IGSF22: variants seen among roughly 807,000 people sequenced by gnomAD.
IGSF22 encodes the protein immunoglobulin superfamily member 22, also known as immunoglobulin superfamily, member 22.
A neutral mutation model predicts 127.0 loss-of-function variants in IGSF22; 119 were observed. The ratio of observed to expected loss-of-function variants is 0.94; its 90% CI spans 0.81 to 1.09. The LOEUF (loss-of-function observed/expected upper bound fraction) is 1.09, where lower values mean the gene tolerates loss of function less well. Among genes scored for constraint, IGSF22 ranks in the 50% least tolerant of loss-of-function variants. The pLI, the probability that IGSF22 is intolerant of heterozygous loss-of-function variation, is 0.00. For synonymous variants in IGSF22, 568 were observed against 664.7 expected, an observed-to-expected ratio of 0.85 and a Z score of 2.24; for missense variants, 1,518 against 1,716.6, an observed-to-expected ratio of 0.88 and a Z score of 2.04.
intron 4 of IGSF22, among the ~76,000 whole-genome samples, chr11:18,721,191 A>G (rs966241366): frequency 6.6e-6 from 1 of 152,108 alleles, no homozygotes; most frequent in African/African-American, 2.4e-5. Flanking sequence ...CCCGCCCTCC[A>G]TGGCTACGCC....
At chr11:18,713,762 C>T in intron 14 of IGSF22, 90 bp downstream of exon 14, 2 of 1,085,708 alleles carry the variant, frequency 1.8e-6, no homozygotes. Flanking sequence ...TCAACTCTAA[C>T]TCTGGCCTCC....
chr11:18,722,630 A>AC (rs35911597), intron 2 of IGSF22, among the ~76,000 whole-genome samples: 93 of 148,240 alleles, frequency 6.3e-4, no homozygotes, highest in African/African-American at 2.0e-3. Context: ...AACAAAAAAA[A>AC]CTGTTTTTGC....
chr11:18,706,087 G>C lies in IGSF22; in HGVS notation c.3640C>G (p.Arg1214Gly). ...YEKKDWRHAP[R>G]FVTPLKPHTV... ...TGTGGCTTGAGGGGCGTCACGAAGC[G>C]CGGCGCGTGGCGCCAGTCCTTCTTC... Residue 1214 changes from arginine to glycine, a missense_variant, in exon 22 of 23, where the codon CGC becomes GGC. Arg to Gly is a moderately radical substitution (Grantham distance 125). Coordinates refer to ENST00000513874, the MANE Select transcript of IGSF22 (RefSeq NM_173588.4). 1 of 1,548,698 alleles carries C rather than the reference G, an allele frequency of 6.5e-7. No homozygotes were observed.
At chr11:18,720,000 CTTTGAGAGGCT>C in intron 6 of IGSF22, 53 bp downstream of exon 6, 1 of 1,611,398 alleles carries the variant, frequency 6.2e-7, no homozygotes, top group Admixed American at 1.7e-5. Context: ...GTTGAGAGGC[CTTTGAGAGGCT>C]TTGGCCTGGA....
chr11:18,708,068 G>A (rs1315908108), intron 19 of IGSF22, 72 bp from the exon 20 acceptor site: 14 of 1,581,266 alleles, frequency 8.9e-6, no homozygotes, highest in Admixed American at 3.4e-5. Context: ...CTCCATTGTC[G>A]AGGAGTTTCC....
chr11:18,708,384 C>T, intron 18 of IGSF22, 89 bp from the exon 19 acceptor site: 1 of 1,006,944 alleles, frequency 9.9e-7, no homozygotes, highest in Non-Finnish European at 1.4e-6. Context: ...TTCCCAACCT[C>T]TCCTCCTTTA....
rs187612448 is a variant in IGSF22 at position 18,708,557 on chromosome 11, G to T, written c.2999-262C>A. ...AACACCTCCTTTTGAAATTGCCATT[G>T]CAACAATTATAACAGCGAGAAAATT... On this transcript the variant is annotated intron_variant, in intron 18 of 22. Transcript: ENST00000513874. 7.9e-5 allele frequency among the ~76,000 whole-genome samples: 12 copies of T among 152,252 alleles called. No homozygotes were observed. The East Asian group carries it at 2.1e-3, about 27-fold the overall frequency.
rs752938299 is a variant in IGSF22, at chr11:18,716,299, T to C, written c.1246+429A>G. On this transcript the variant is annotated intron_variant, in intron 10 of 22. Transcript: ENST00000513874. This position sits in a 1 kb window ranked among gnomAD's most constrained non-coding sequence, Gnocchi z 4.5. ...CTCCATCACAGCAATGATGATTCCA[T>C]GTGATATAGATTCCAGGTGCGGTTC... 6.6e-6 allele frequency among the ~76,000 whole-genome samples: 1 copy of C among 152,210 alleles called. No homozygotes were observed. Among genetic ancestry groups the C allele is most frequent in the Non-Finnish European group, 1.5e-5 (1 of 68,042 alleles).
At position 18,719,825 on chromosome 11, in the gene IGSF22, G is replaced by A. The variant is rs1848535977; in HGVS notation, c.587C>T (p.Ser196Phe). Residue 196 changes from serine to phenylalanine, a missense_variant, in exon 7 of 23, where the codon TCC becomes TTC. Coordinates refer to ENST00000513874, the MANE Select transcript of IGSF22 (RefSeq NM_173588.4). ...CTCAAAGTCTTTCTTGGGCACTTTG[G>A]ACAAAATCTCCAGCATCTCTTTCTC... ...ANEKEMLEIL[S>F]KVPKKDFEKV... is the part of the protein sequence containing the mutation. 1 of 1,614,008 alleles carries A rather than the reference G, an allele frequency of 6.2e-7. No homozygotes were observed. Among genetic ancestry groups the A allele is most frequent in the Non-Finnish European group, 8.5e-7 (1 of 1,180,032 alleles).
At chr11:18,708,101 T>G in intron 19 of IGSF22, 105 bp from the exon 20 acceptor site, 2 of 1,528,840 alleles carry the variant, frequency 1.3e-6, no homozygotes, top group Non-Finnish European at 9.0e-7. Flanking sequence ...GCACTAGGGG[T>G]CTGGTGAGGG....
At chr11:18,720,402 G>A (rs113370986) in intron 4 of IGSF22, 117 bp from the exon 5 acceptor site, 2 of 690,212 alleles carry the variant, frequency 2.9e-6, no homozygotes, top group African/African-American at 1.8e-5. Flanking sequence ...TGACTGTTGG[G>A]TATATGTGTG....
intron 2 of IGSF22, among the ~76,000 whole-genome samples, chr11:18,722,477 G>A (rs1419815941): frequency 6.6e-6 from 1 of 152,158 alleles, no homozygotes; most frequent in Non-Finnish European, 1.5e-5. Context: ...CATTCTGTGG[G>A]TTCAGCATTC....
At position 18,712,199 on chromosome 11, in the gene IGSF22, A is replaced by G; in HGVS notation, c.2281T>C (p.Phe761Leu). ...CCCTCTTCCACCTTGTTGGTGGAGA[A>G]GTTGGTGACTTTGCCGTCCACCTCG... is the stretch of plus-strand genomic sequence containing the variant. The part of the protein sequence containing the change: ...IGEVDGKVTN[F>L]STNKVEEGKA... Residue 761 changes from phenylalanine (F) to leucine (L), a missense_variant, in exon 15 of 23, where the codon TTC becomes CTC. By Grantham distance (22) the Phe-to-Leu change is conservative. This residue lies in a region of IGSF22 where 1,456 missense variants were observed against 1,644.9 expected (regional missense o/e 0.89). Transcript: ENST00000513874. The G allele has an allele frequency of 1.9e-6, 3 of 1,551,718 alleles. No homozygotes were observed. Among genetic ancestry groups the G allele is most frequent in the Non-Finnish European group, 2.6e-6 (3 of 1,146,994 alleles).
intron 19 of IGSF22, 52 bp from the exon 20 acceptor site, chr11:18,708,048 G>T: frequency 6.2e-7 from 1 of 1,600,868 alleles, no homozygotes; most frequent in Non-Finnish European, 8.6e-7. Flanking sequence ...ATATTTGGGG[G>T]CAGGCCTTCC....
At position 18,720,208 on chromosome 11, in the gene IGSF22, G is replaced by A. The variant is rs751602308; in HGVS notation, c.456C>T (p.Thr152=). 18 of 1,613,968 alleles carry A rather than the reference G, an allele frequency of 1.1e-5. No homozygotes were observed. Among genetic ancestry groups the A allele is most frequent in the Non-Finnish European group, 1.4e-5 (17 of 1,179,974 alleles). ...ASNDHADAIY[T]VSLLVTEGQE... ...CACCTTCTGTTACCAGCAGAGATAC[G>A]GTATAGATGGCATCTGCATGGTCAT... The change falls in exon 5 of 23, where the codon ACC becomes ACT. Residue 152 remains threonine, a synonymous_variant. Coordinates refer to ENST00000513874, the MANE Select transcript of IGSF22 (RefSeq NM_173588.4).
chr11:18,722,661 C>T (rs933377248), intron 2 of IGSF22, among the ~76,000 whole-genome samples: 2 of 152,176 alleles, frequency 1.3e-5, no homozygotes, highest in Admixed American at 1.3e-4. Flanking sequence ...TACAGACAAT[C>T]TTCTTGGCTG....
chr11:18,721,422 C>T, intron 4 of IGSF22, 113 bp downstream of exon 4: 2 of 1,420,388 alleles, frequency 1.4e-6, no homozygotes, highest in Admixed American at 1.8e-5. Flanking sequence ...TTTCCCACTG[C>T]CCGGCTCTCG....
At chr11:18,715,178 T>C (rs144008563) in intron 11 of IGSF22, among the ~76,000 whole-genome samples, 100 of 151,882 alleles carry the variant, frequency 6.6e-4, no homozygotes, top group African/African-American at 2.3e-3. Context: ...AAGTGAAGGA[T>C]GAAGTCAGGA....
intron 22 of IGSF22, 186 bp downstream of exon 22, chr11:18,705,631 G>T: frequency 1.6e-6 from 1 of 609,110 alleles, no homozygotes; most frequent in Non-Finnish European, 2.9e-6. Flanking sequence ...CAGGGGCCAG[G>T]CATATAACAA....
Sources: allele counts gnomAD v4.1 joint callset (sites outside exome capture counted in the v4.1 genomes callset), GRCh38; gene constraint gnomAD v4.1.1; regional missense constraint gnomAD v4.1.1; non-coding constraint Gnocchi (gnomAD v3.1); transcripts MANE v1.5; gene names NCBI Gene and HGNC (gene_info 2026-07-23, HGNC 2026-07-21).